Variants in TIAM1 observed in about 807,000 individuals in gnomAD.
TIAM1 encodes the protein rho guanine nucleotide exchange factor TIAM1.
A neutral mutation model predicts 163.5 loss-of-function variants in TIAM1; 65 were observed. The observed-to-expected ratio is 0.40, with a 90% CI of 0.33 to 0.49. TIAM1 has a LOEUF of 0.49. Ranked by LOEUF, TIAM1 falls within the 20% of genes least tolerant of loss-of-function variation. The pLI is 0.77. For missense variants in TIAM1, 1,789 were observed against 2,044.7 expected (o/e 0.87, Z 2.41); for synonymous variants, 833 against 810.1 (o/e 1.03, Z -0.48).
chr21:31,470,804 G>A (rs1455988878), intron 1 of TIAM1, among the ~76,000 whole-genome samples: 1 of 152,188 alleles, frequency 6.6e-6, no homozygotes, highest in Non-Finnish European at 1.5e-5. Flanking sequence ...CTCCCCAGGA[G>A]AAGAGAGAGG....
intron 2 of TIAM1, among the ~76,000 whole-genome samples, chr21:31,400,174 C>T (rs1165483284): frequency 6.6e-6 from 1 of 151,884 alleles, no homozygotes; most frequent in African/African-American, 2.4e-5. Flanking sequence ...GCCACCCAGG[C>T]TAGAGTGCAG....
At chr21:31,388,044 C>T (rs528647434) in intron 2 of TIAM1, among the ~76,000 whole-genome samples, 31 of 152,148 alleles carry the variant, frequency 2.0e-4, no homozygotes, top group African/African-American at 7.2e-4. Context: ...TGCCTGTTCC[C>T]GCTTCACTCT....
intron 2 of TIAM1, among the ~76,000 whole-genome samples, chr21:31,451,709 A>ATGTGTG (rs74745145): frequency 2.4e-5 from 1 of 41,590 alleles, no homozygotes; most frequent in Non-Finnish European, 7.4e-5. Context: ...GAGTGAAAGC[A>ATGTGTG]TGTGTGTGCG....
intron 2 of TIAM1, among the ~76,000 whole-genome samples, chr21:31,419,037 C>T (rs1233064617): frequency 1.3e-5 from 2 of 152,136 alleles, no homozygotes; most frequent in African/African-American, 2.4e-5. Context: ...CCGGGCACAC[C>T]AGGGCTGGCC....
intron 2 of TIAM1, among the ~76,000 whole-genome samples, chr21:31,445,140 T>C (rs910923228): frequency 4.1e-5 from 6 of 144,792 alleles, no homozygotes; most frequent in African/African-American, 1.3e-4. Flanking sequence ...GCATATGAGA[T>C]ACAACATCAA....
upstream of TIAM1, among the ~76,000 whole-genome samples, chr21:31,345,482 G>A (rs1602057854): frequency 6.2e-5 from 9 of 146,056 alleles, no homozygotes; most frequent in South Asian, 8.7e-4. Context: ...ATATCCACAC[G>A]GATTCACACA....
At chr21:31,408,774 A>C (rs2077292397) in intron 2 of TIAM1, among the ~76,000 whole-genome samples, 1 of 152,214 alleles carries the variant, frequency 6.6e-6, no homozygotes, top group African/African-American at 2.4e-5. Context: ...TCTCACACGA[A>C]GACAATGGTT....
intron 2 of TIAM1, among the ~76,000 whole-genome samples, chr21:31,417,452 A>C (rs1046204033): frequency 2.0e-5 from 3 of 152,186 alleles, no homozygotes; most frequent in Non-Finnish European, 1.5e-5. Context: ...AAAAAATGAG[A>C]ATCAAGCAAA....
chr21:31,407,406 C>T lies in TIAM1; in HGVS notation c.-369+56577G>A, dbSNP rs578136728. Among the ~76,000 whole-genome samples, 11 of 152,094 alleles carry T rather than the reference C, an allele frequency of 7.2e-5. No individual in the cohort carries two copies. In the South Asian group the frequency reaches 8.3e-4, roughly 12 times the overall value. On this transcript the variant is annotated intron_variant, in intron 2 of 28. Coordinates refer to the TIAM1 transcript ENST00000286827. ...ACACGAAGAAGCGGCTCAAGCACCT[C>T]GGCAAAGATCCCAACAACTTGTAAA...
At position 31,193,709 on chromosome 21, in the gene TIAM1, A is replaced by AT. The variant is rs201396005; in HGVS notation, c.2575+1514dup. ...TTTAATGAAAAGCAACCCCCAAATA[A>AT]TTTTTTTTTGTAACAAAAAGCAGCC... On this transcript the variant is annotated intron_variant, in intron 13 of 27. Coordinates refer to ENST00000541036, the MANE Select transcript of TIAM1 (RefSeq NM_001353694.2). Among the ~76,000 whole-genome samples, 513 of 151,828 alleles carry AT rather than the reference A, an allele frequency of 3.4e-3. 2 individuals are homozygous for AT. Among genetic ancestry groups the AT allele is most frequent in the African/African-American group, 0.011 (468 of 41,424 alleles).
chr21:31,396,977 T>C (rs2077084231), intron 2 of TIAM1, among the ~76,000 whole-genome samples: 1 of 152,150 alleles, frequency 6.6e-6, no homozygotes, highest in African/African-American at 2.4e-5. Context: ...AATAATATTT[T>C]ATGCCCTTCC....
intron 2 of TIAM1, among the ~76,000 whole-genome samples, chr21:31,350,096 G>A (rs1210734022): frequency 2.6e-5 from 4 of 152,148 alleles, no homozygotes; most frequent in Non-Finnish European, 5.9e-5. Context: ...CACTAGTTAC[G>A]TGTCAGATAA....
rs1294980614 is a variant in TIAM1, at chr21:31,395,618, A to G, written c.-368-56196T>C. On this transcript the variant is annotated intron_variant, in intron 2 of 28. Coordinates refer to the TIAM1 transcript ENST00000286827. This position sits in a 1 kb window ranked among gnomAD's most constrained non-coding sequence, Gnocchi z 7.5. ...GATTGCGTTACATTTCTCCACATAA[A>G]TGAACTTACACAGAGGGCATGGGGG... 1.3e-5 allele frequency among the ~76,000 whole-genome samples: 2 copies of G among 152,182 alleles called. No homozygotes were observed. Among genetic ancestry groups the G allele is most frequent in the Non-Finnish European group, 2.9e-5 (2 of 68,040 alleles).
intron 1 of TIAM1, among the ~76,000 whole-genome samples, chr21:31,522,588 G>A (rs560118097): frequency 1.3e-5 from 2 of 152,070 alleles, no homozygotes; most frequent in East Asian, 3.9e-4. Flanking sequence ...AAACATAATT[G>A]TTTATCGTCA....
chr21:31,298,377 G>A (rs960310851), intron 2 of TIAM1, among the ~76,000 whole-genome samples: 5 of 152,172 alleles, frequency 3.3e-5, no homozygotes, highest in African/African-American at 9.7e-5. Flanking sequence ...TTTGTAAACT[G>A]TCTATTGAAA....
At chr21:31,545,884 C>T (rs772635203) in intron 1 of TIAM1, among the ~76,000 whole-genome samples, 36 of 152,076 alleles carry the variant, frequency 2.4e-4, no homozygotes, top group Admixed American at 6.6e-4. Flanking sequence ...GAAAATATGA[C>T]TTTGGGGGGC....
chr21:31,317,183 G>A (rs906406480), intron 2 of TIAM1, among the ~76,000 whole-genome samples: 3 of 152,182 alleles, frequency 2.0e-5, no homozygotes, highest in Admixed American at 6.5e-5. Flanking sequence ...GGCCGGGCAT[G>A]GTGGCTCAAG....
chr21:31,144,830 G>GAAAAAAAAAAAAAAAAAAA (rs764835303), intron 20 of TIAM1, among the ~76,000 whole-genome samples: 65 of 74,418 alleles, frequency 8.7e-4, no homozygotes, highest in Middle Eastern at 0.025. Context: ...CTCCATCTCA[G>GAAAAAAAAAAAAAAAAAAA]AAAAAAAAAA....
At chr21:31,209,942 C>T (rs1370562166) in intron 11 of TIAM1, 103 bp downstream of exon 11, 7 of 1,286,160 alleles carry the variant, frequency 5.4e-6, no homozygotes, top group Non-Finnish European at 7.4e-6. Context: ...GTGTTTTAAG[C>T]ACCTTCCTCT....
Sources: gnomAD v4.1 joint callset for allele counts (sites outside exome capture counted in the v4.1 genomes callset) on GRCh38, gnomAD v4.1.1 for gene constraint, Gnocchi (gnomAD v3.1) non-coding constraint, MANE v1.5 for transcripts, NCBI Gene and HGNC (gene_info 2026-07-23, HGNC 2026-07-21) for gene names.